COL6A6: variants seen among roughly 807,000 people sequenced by gnomAD.
COL6A6 encodes collagen alpha-6(VI) chain.
In COL6A6, 183 loss-of-function variants were observed where a neutral mutation model predicts 208.6. The observed-to-expected ratio is 0.88, with a 90% CI of 0.78 to 0.99. The LOEUF (loss-of-function observed/expected upper bound fraction) is 0.99, where lower values mean the gene tolerates loss of function less well. COL6A6 is among the 50% of genes least tolerant of loss of function. The pLI, the probability that COL6A6 is intolerant of heterozygous loss-of-function variation, is 0.00. For missense variants in COL6A6, 2,816 were observed against 2,815.2 expected (o/e 1.00, Z -0.01); for synonymous variants, 973 against 1,011.8 (o/e 0.96, Z 0.73).
chr3:130,530,363 A>T (rs1371889532), intron 1 of COL6A6, among the ~76,000 whole-genome samples: 1 of 152,102 alleles, frequency 6.6e-6, no homozygotes, highest in South Asian at 2.1e-4. Flanking sequence ...GTTGCTTAAA[A>T]ACCGTTTGGC....
chr3:130,587,567 C>T (rs184585385), intron 11 of COL6A6, among the ~76,000 whole-genome samples: 17 of 152,358 alleles, frequency 1.1e-4, no homozygotes, highest in East Asian at 7.7e-4. Flanking sequence ...CAAAAACATA[C>T]GAGAATTCAA....
intron 28 of COL6A6, among the ~76,000 whole-genome samples, chr3:130,640,751 A>G (rs1446626085): frequency 6.6e-6 from 1 of 152,178 alleles, no homozygotes. Context: ...TAAGCAGATA[A>G]CAACTGTTTT....
Position 130,586,644 on chromosome 3 carries a change from G to A in COL6A6, c.4109G>A (p.Arg1370Gln), listed in dbSNP as rs1285891321. The change falls in exon 11 of 37, where the codon CGG (arginine) becomes CAG (glutamine). Residue 1370 changes from arginine to glutamine, a missense_variant. Arg to Gln is a conservative substitution (Grantham distance 43, BLOSUM62 1). Transcript: ENST00000358511. ...ATTGGCATGAGAGAACTTGGAAGCC[G>A]GCTGTCAAAGCAGCTGGTAAGTTAT... is the stretch of plus-strand genomic sequence containing the variant. The part of the protein sequence containing the change: ...LSIGMRELGS[R>Q]LSKQLVNVAE... 1.3e-5 allele frequency: 21 copies of A among 1,612,170 alleles called. No homozygotes were observed. The highest frequency in any genetic ancestry group is 2.7e-5 in the African/African-American group (2 of 74,866).
chr3:130,562,625 G>A (rs968107238), intron 2 of COL6A6, among the ~76,000 whole-genome samples: 1 of 152,118 alleles, frequency 6.6e-6, no homozygotes, highest in Non-Finnish European at 1.5e-5. Context: ...TACCATTAAA[G>A]TGAATTTGAT....
In COL6A6 at chr3:130,644,999, C is replaced by T; in HGVS notation, c.5236C>T (p.His1746Tyr). 6.2e-7 allele frequency: 1 copy of T among 1,611,994 alleles called. No individual in the cohort carries two copies. The highest frequency in any genetic ancestry group is 8.5e-7 in the Non-Finnish European group (1 of 1,178,148). The stretch of plus-strand genomic sequence containing the variant: ...TTGTTCTTCTTCCCCAGCTGGCAGG[C>T]ATGGTGAGTAATCTTTATTTACAGC... ...QYVRDRSPGR[H>Y]GKPECPVHPT... is the part of the protein sequence containing the mutation. The change falls in exon 32 of 37, where the codon CAT becomes TAT. Residue 1746 changes from histidine (H) to tyrosine (Y), a missense_variant. His to Tyr is a moderately conservative substitution (Grantham distance 83). Transcript: ENST00000358511.
intron 34 of COL6A6, among the ~76,000 whole-genome samples, chr3:130,660,812 T>C (rs1283271944): frequency 1.3e-5 from 2 of 152,238 alleles, no homozygotes; most frequent in Non-Finnish European, 2.9e-5. Context: ...ACTGACTTCC[T>C]ATATAGAAAC....
In COL6A6 at chr3:130,568,352, G is replaced by A. The variant is rs751917845; in HGVS notation, c.2149G>A (p.Gly717Ser). 2 of 1,613,828 alleles carry A rather than the reference G, an allele frequency of 1.2e-6. No individual in the cohort carries two copies. The highest frequency in any genetic ancestry group is 1.7e-6 in the Non-Finnish European group (2 of 1,179,906). The change falls in exon 6 of 37, where the codon GGC becomes AGC. Residue 717 changes from glycine (G) to serine (S), a missense_variant. Transcript: ENST00000358511. ...FVSQYFSPTK[G>S]ARPNIRKFLI... The stretch of plus-strand genomic sequence containing the variant: ...GTCTCAGTACTTCAGCCCCACCAAG[G>A]GCGCCCGGCCCAACATCAGAAAGTT...
chr3:130,528,844 A>G (rs2062018694), intron 1 of COL6A6, among the ~76,000 whole-genome samples: 1 of 152,192 alleles, frequency 6.6e-6, no homozygotes, highest in Non-Finnish European at 1.5e-5. Flanking sequence ...TAATCCCAGC[A>G]CTTTGGGAGG....
rs2063247790 is a variant in COL6A6 at position 130,574,470 on chromosome 3, G to C, written c.3492G>C (p.Leu1164=). Residue 1164 remains leucine (L), a synonymous_variant, in exon 8 of 37, where the codon CTG becomes CTC. Transcript: ENST00000358511. ...KKLTVHNFDE[L]KKVNKRIVRN... ...TGACAGTGCACAACTTCGATGAACT[G>C]AAGAAGGTCAATAAAAGGATCGTTC... is the stretch of plus-strand genomic sequence containing the variant. 1 of 1,613,908 alleles carries C rather than the reference G, an allele frequency of 6.2e-7. No homozygotes were observed. Among genetic ancestry groups the C allele is most frequent in the African/African-American group, 1.3e-5 (1 of 74,942 alleles).
chr3:130,563,611 T>C lies in COL6A6; in HGVS notation c.608T>C (p.Ile203Thr). 2 of 1,613,960 alleles carry C rather than the reference T, an allele frequency of 1.2e-6. No individual in the cohort carries two copies. The highest frequency in any genetic ancestry group is 1.7e-6 in the Non-Finnish European group (2 of 1,179,870). The change falls in exon 3 of 37, where the codon ATC becomes ACC. Residue 203 changes from isoleucine (I) to threonine (T), a missense_variant. By Grantham distance (89) the Ile-to-Thr change is moderately conservative. Coordinates refer to ENST00000358511, the MANE Select transcript of COL6A6 (RefSeq NM_001102608.3). ...TTTTCCCAAAACATGACACACATCA[T>C]CAAGGATGTAATAAAGTACAAGGAG... is the stretch of plus-strand genomic sequence containing the variant. Reference protein sequence around the residue: ...SMFSQNMTHIIKDVIKYKEGA... With the variant: ...SMFSQNMTHITKDVIKYKEGA...
In COL6A6 at chr3:130,580,698, A is replaced by C. The variant is rs968799366; in HGVS notation, c.3548-863A>C. Among the ~76,000 whole-genome samples the C allele has an allele frequency of 4.6e-5, 7 of 152,376 alleles. 1 individual carries two copies. The highest frequency in any genetic ancestry group is 1.3e-4 in the Admixed American group (2 of 15,308). On this transcript the variant is annotated intron_variant, in intron 8 of 36. Coordinates refer to ENST00000358511, the MANE Select transcript of COL6A6 (RefSeq NM_001102608.3). ...TTCGTGAAAGGAGAGTGTATGAGTC[A>C]CATGACTTTATTGTTCTCTAATTAA...
intron 1 of COL6A6, among the ~76,000 whole-genome samples, chr3:130,537,158 T>A (rs2062245328): frequency 6.6e-6 from 1 of 152,222 alleles, no homozygotes; most frequent in African/African-American, 2.4e-5. Flanking sequence ...AGCTCAGCAA[T>A]TAGATTGTCT....
chr3:130,598,490 G>T, intron 19 of COL6A6, 60 bp downstream of exon 19: 1 of 1,192,970 alleles, frequency 8.4e-7, no homozygotes, highest in Non-Finnish European at 1.2e-6. Context: ...GTTCTTGTTG[G>T]TAGAATGTGA....
intron 36 of COL6A6, among the ~76,000 whole-genome samples, chr3:130,670,297 C>G (rs2066179926): frequency 6.6e-6 from 1 of 152,200 alleles, no homozygotes; most frequent in East Asian, 1.9e-4. Context: ...TACATTAAAG[C>G]TGGTGTTAAA....
In COL6A6 at chr3:130,676,976, G is replaced by A. The variant is rs534206161; in HGVS notation, c.*1579G>A. ...CACGAACTCCTTTCTTTTGTTAATTGTTGGAAATACCATTAAGATGTATTT... is the reference window on the plus strand; with the variant it reads ...CACGAACTCCTTTCTTTTGTTAATTATTGGAAATACCATTAAGATGTATTT... On this transcript the variant is annotated 3_prime_UTR_variant, in exon 37 of 37. Transcript: ENST00000358511. The A allele has an allele frequency of 1.3e-5, 2 of 152,178 alleles. No individual in the cohort carries two copies. The highest frequency in any genetic ancestry group is 2.9e-5 in the Non-Finnish European group (2 of 68,026). 9.4% of individuals were successfully genotyped at this position (152,178 alleles called of 1,614,324 possible).
At chr3:130,568,707 G>T in intron 6 of COL6A6, 103 bp downstream of exon 6, 1 of 1,136,842 alleles carries the variant, frequency 8.8e-7, no homozygotes, top group Non-Finnish European at 1.2e-6. Flanking sequence ...TAAACTTTTG[G>T]TTTAATTGAA....
At chr3:130,590,079 A>G (rs1342809414) in intron 12 of COL6A6, 1 of 415,732 alleles carries the variant, frequency 2.4e-6, no homozygotes, top group Non-Finnish European at 4.8e-6. Flanking sequence ...ATCTTAAAAG[A>G]TTTTTTAATA....
chr3:130,579,902 TC>T (rs1427999739), intron 8 of COL6A6, among the ~76,000 whole-genome samples: 1 of 152,222 alleles, frequency 6.6e-6, no homozygotes, highest in Non-Finnish European at 1.5e-5. Context: ...TCTGGACTTG[TC>T]CACCAAATTC....
intron 1 of COL6A6, among the ~76,000 whole-genome samples, chr3:130,527,522 G>A (rs1214398730): frequency 6.6e-6 from 1 of 152,176 alleles, no homozygotes. Context: ...AGGGAAAGGA[G>A]AATAGAATAC....
Sources: gnomAD v4.1 joint callset for allele counts (sites outside exome capture counted in the v4.1 genomes callset) on GRCh38, gnomAD v4.1.1 for gene constraint, MANE v1.5 for transcripts, NCBI Gene and HGNC (gene_info 2026-07-23, HGNC 2026-07-21) for gene names.